SGPL1: variants seen among roughly 807,000 people sequenced by gnomAD.
SGPL1 encodes SP-lyase 1.
SGPL1 carries 37 observed loss-of-function variants against 68.9 expected under a neutral mutation model. That is an observed-to-expected ratio of 0.54 (90% CI 0.41 to 0.71). SGPL1 has a LOEUF of 0.71. Among genes scored for constraint, SGPL1 ranks in the 30% least tolerant of loss-of-function variants. The pLI is 0.00. For missense variants in SGPL1, 551 were observed against 704.6 expected, an observed-to-expected ratio of 0.78 and a Z score of 2.47; for synonymous variants, 236 against 248.5, an observed-to-expected ratio of 0.95 and a Z score of 0.47.
At chr10:70,872,202 C>T (rs976287828) in intron 11 of SGPL1, among the ~76,000 whole-genome samples, 1 of 152,112 alleles carries the variant, frequency 6.6e-6, no homozygotes, top group Admixed American at 6.5e-5. Flanking sequence ...AACCTGTTAC[C>T]TTTATCTCAA....
rs143557104 is a variant in SGPL1 at position 70,845,381 on chromosome 10, A to G, written c.193+743A>G. 6.1e-3 allele frequency among the ~76,000 whole-genome samples: 925 copies of G among 152,244 alleles called. 5 individuals are homozygous for G. Among genetic ancestry groups the G allele is most frequent in the African/African-American group, 0.021 (882 of 41,540 alleles). Reference sequence around the variant, plus strand: ...CATGGTGACCATTTGAGTGCTTGCTATGTGCCAGGCACTGCCATCAGGCTG... The same window carrying G: ...CATGGTGACCATTTGAGTGCTTGCTGTGTGCCAGGCACTGCCATCAGGCTG... On this transcript the variant is annotated intron_variant, in intron 3 of 14. Transcript: ENST00000373202.
At chr10:70,838,611 C>G (rs1304013504) in intron 2 of SGPL1, among the ~76,000 whole-genome samples, 1 of 152,118 alleles carries the variant, frequency 6.6e-6, no homozygotes, top group African/African-American at 2.4e-5. Flanking sequence ...TTAGTGTTAG[C>G]TCCCTCACTG....
intron 8 of SGPL1, 49 bp downstream of exon 8, chr10:70,868,482 G>T (rs1846234368): frequency 6.9e-7 from 1 of 1,441,096 alleles, no homozygotes; most frequent in Admixed American, 1.7e-5. Context: ...TCTGTCTGGA[G>T]TACAGCTTTA....
intron 3 of SGPL1, among the ~76,000 whole-genome samples, chr10:70,846,424 T>C (rs936460143): frequency 2.6e-5 from 4 of 152,144 alleles, no homozygotes; most frequent in Non-Finnish European, 5.9e-5. Flanking sequence ...CCTTCTATTA[T>C]AATAAAATAT....
In SGPL1 at chr10:70,844,586, C is replaced by T. The variant is rs373759937; in HGVS notation, c.141C>T (p.Val47=). 11 of 1,614,092 alleles carry T rather than the reference C, an allele frequency of 6.8e-6. No individual in the cohort carries two copies. The highest frequency in any genetic ancestry group is 4.4e-5 in the South Asian group (4 of 91,074). The part of the protein sequence containing the change: ...YEPWQLIAWS[V]VWTLLIVWGY... ...CCTGGCAGCTAATTGCATGGAGTGT[C>T]GTGTGGACCCTGCTGATAGTCTGGG... The change falls in exon 3 of 15, where the codon GTC becomes GTT. Residue 47 remains valine, a synonymous_variant. Transcript: ENST00000373202.
chr10:70,861,409 A>G (rs1787674098), intron 7 of SGPL1, among the ~76,000 whole-genome samples: 1 of 152,224 alleles, frequency 6.6e-6, no homozygotes, highest in Non-Finnish European at 1.5e-5. Flanking sequence ...AGTTGGGGGT[A>G]GATGAAAGAT....
chr10:70,817,788 A>C (rs966774138), intron 2 of SGPL1, among the ~76,000 whole-genome samples: 1 of 152,214 alleles, frequency 6.6e-6, no homozygotes, highest in Non-Finnish European at 1.5e-5. Context: ...TTAGAGATGA[A>C]TAAACACCTA....
At chr10:70,818,050 G>A (rs558725550) in intron 2 of SGPL1, among the ~76,000 whole-genome samples, 2 of 152,278 alleles carry the variant, frequency 1.3e-5, no homozygotes, top group South Asian at 4.1e-4. Context: ...ATTATGGAGA[G>A]TTTATAGCTT....
At chr10:70,873,247 A>G in intron 11 of SGPL1, 104 bp from the exon 12 acceptor site, 2 of 863,308 alleles carry the variant, frequency 2.3e-6, no homozygotes, top group Non-Finnish European at 3.9e-6. Flanking sequence ...TAACAGAGAA[A>G]CTGAGAAATA....
chr10:70,863,232 C>G (rs1392393746), intron 7 of SGPL1, among the ~76,000 whole-genome samples: 1 of 151,404 alleles, frequency 6.6e-6, no homozygotes, highest in Non-Finnish European at 1.5e-5. Flanking sequence ...AGTGATCTGC[C>G]TGCCTTGGCT....
At chr10:70,831,351 G>A (rs1324298412) in intron 2 of SGPL1, among the ~76,000 whole-genome samples, 1 of 152,086 alleles carries the variant, frequency 6.6e-6, no homozygotes, top group Non-Finnish European at 1.5e-5. Flanking sequence ...CCTGGAGATA[G>A]CATCAGATCT....
At chr10:70,847,396 A>G (rs769024759) in intron 3 of SGPL1, among the ~76,000 whole-genome samples, 20 of 152,058 alleles carry the variant, frequency 1.3e-4, no homozygotes, top group Non-Finnish European at 1.8e-4. Context: ...TGATCCGCCC[A>G]CCTCAACCTC....
At chr10:70,833,231 G>T (rs3781306) in intron 2 of SGPL1, among the ~76,000 whole-genome samples, 25,964 of 152,150 alleles carry the variant, frequency 0.17, 2,650 homozygotes, top group East Asian at 0.35. Context: ...GGTGCTTGGG[G>T]AATGGTACCA....
At chr10:70,865,691 A>T (rs1199413133) in intron 7 of SGPL1, among the ~76,000 whole-genome samples, 1 of 152,218 alleles carries the variant, frequency 6.6e-6, no homozygotes, top group Non-Finnish European at 1.5e-5. Flanking sequence ...AAGAGTTGTA[A>T]GCTCTCTCAT....
chr10:70,843,560 T>A (rs1379281073), intron 2 of SGPL1, among the ~76,000 whole-genome samples: 1 of 152,198 alleles, frequency 6.6e-6, no homozygotes, highest in Admixed American at 6.5e-5. Context: ...TGTGATAAGC[T>A]CTGTATAGGA....
intron 3 of SGPL1, among the ~76,000 whole-genome samples, chr10:70,845,003 G>A (rs955154347): frequency 6.6e-6 from 1 of 152,164 alleles, no homozygotes; most frequent in Non-Finnish European, 1.5e-5. Context: ...CTCCCAAAGT[G>A]CTGGGATTAC....
chr10:70,841,843 C>G (rs930560537), intron 2 of SGPL1, among the ~76,000 whole-genome samples: 4 of 152,090 alleles, frequency 2.6e-5, no homozygotes, highest in Admixed American at 2.6e-4. Context: ...CTCAAAACAT[C>G]TTCTACCTTT....
chr10:70,843,160 T>C (rs1249836073), intron 2 of SGPL1, among the ~76,000 whole-genome samples: 2 of 152,222 alleles, frequency 1.3e-5, no homozygotes, highest in Non-Finnish European at 2.9e-5. Context: ...CCTTCAGAGT[T>C]AGATAGTCCT....
In SGPL1 at chr10:70,854,514, A is replaced by G. The variant is rs11596997; in HGVS notation, c.262-194A>G. On this transcript the variant is annotated intron_variant, in intron 4 of 14. Transcript: ENST00000373202. ...CTTTAGAGAGAAGCTTCGCTTTTCA[A>G]ATTTTTAAGAGGCTATTGTACATGC... is the stretch of plus-strand genomic sequence containing the variant. Among the ~76,000 whole-genome samples, 8,528 of 152,238 alleles carry G rather than the reference A, an allele frequency of 0.056. 286 individuals are homozygous for G. The highest frequency in any genetic ancestry group is 0.064 in the Non-Finnish European group (4,360 of 68,018).
Sources: gnomAD v4.1 joint callset for allele counts (sites outside exome capture counted in the v4.1 genomes callset) on GRCh38, gnomAD v4.1.1 for gene constraint, MANE v1.5 for transcripts, NCBI Gene and HGNC (gene_info 2026-07-23, HGNC 2026-07-21) for gene names.